ITIH5: variants seen among roughly 807,000 people sequenced by gnomAD.
ITIH5 encodes the protein inter-alpha-trypsin inhibitor heavy chain 5.
A neutral mutation model predicts 77.5 loss-of-function variants in ITIH5; 65 were observed. That is an observed-to-expected ratio of 0.84 (90% confidence interval 0.69 to 1.03). ITIH5 has a LOEUF of 1.03. Among genes scored for constraint, ITIH5 ranks in the 50% least tolerant of loss-of-function variants. The pLI is 0.00. For synonymous variants in ITIH5, 525 were observed against 494.3 expected, an observed-to-expected ratio of 1.06 and a Z score of -0.82; for missense variants, 1,208 against 1,213.1, an observed-to-expected ratio of 1.00 and a Z score of 0.06.
chr10:7,657,270 A>T (rs1834203903), intron 1 of ITIH5, among the ~76,000 whole-genome samples: 1 of 151,464 alleles, frequency 6.6e-6, no homozygotes, highest in Non-Finnish European at 1.5e-5. Flanking sequence ...CATGGTCTGG[A>T]TCTCCTGACC....
intron 7 of ITIH5, among the ~76,000 whole-genome samples, chr10:7,613,062 T>C (rs1833283547): frequency 6.6e-6 from 1 of 152,112 alleles, no homozygotes; most frequent in Non-Finnish European, 1.5e-5. Context: ...CTGGCCAACA[T>C]GGTGAAATCC....
chr10:7,586,139 C>A, intron 7 of ITIH5, 70 bp from the exon 8 acceptor site: 1 of 1,320,248 alleles, frequency 7.6e-7, no homozygotes. Flanking sequence ...GTTCTAGAAA[C>A]CGCCCCCGCC....
intron 2 of ITIH5, among the ~76,000 whole-genome samples, chr10:7,650,157 G>C (rs1406388512): frequency 6.6e-6 from 1 of 152,214 alleles, no homozygotes; most frequent in African/African-American, 2.4e-5. Context: ...AGGATGTCCT[G>C]AGTCACCCAA....
Position 7,575,311 on chromosome 10 carries a change from G to A in ITIH5, c.1978+1142C>T, listed in dbSNP as rs1307339369. Among the ~76,000 whole-genome samples the A allele has an allele frequency of 2.0e-5, 3 of 152,162 alleles. No homozygotes were observed. In the East Asian group the frequency reaches 5.8e-4, roughly 29 times the overall value. On this transcript the variant is annotated intron_variant, in intron 10 of 13. Coordinates refer to ENST00000397146, the MANE Select transcript of ITIH5 (RefSeq NM_030569.7). ...CAGAGAGGTTGAGAAACCTGCCTCA[G>A]GCCTCACAGCTGGTCAGGAGGGTTG...
rs1174748108 is a variant in ITIH5 at position 7,596,380 on chromosome 10, GC to G, written c.940-10312del. Among the ~76,000 whole-genome samples, 9 of 152,312 alleles carry G rather than the reference GC, an allele frequency of 5.9e-5. No homozygotes were observed. The East Asian group carries it at 1.5e-3, about 26-fold the overall frequency. ...GACCCTCAGAGGGGAAGTCAAGGGA[GC>G]CCACGGAAGAGCCAGCTGCGGCCCA... On this transcript the variant is annotated intron_variant, in intron 7 of 13. Coordinates refer to ENST00000397146, the MANE Select transcript of ITIH5 (RefSeq NM_030569.7).
At chr10:7,587,167 CA>C (rs1224630856) in intron 7 of ITIH5, among the ~76,000 whole-genome samples, 2 of 152,126 alleles carry the variant, frequency 1.3e-5, no homozygotes, top group African/African-American at 2.4e-5. Flanking sequence ...GCAGTTTGAG[CA>C]AAGCCAGGAA....
rs938890780 is a variant in ITIH5, at chr10:7,569,586, T to A, written c.2149+82A>T. 6.9e-6 allele frequency: 6 copies of A among 864,074 alleles called. No homozygotes were observed. The African/African-American group carries it at 8.5e-5, about 12-fold the overall frequency. The allele number at this position is 864,074 out of a possible 1,614,324, so 53.5% of individuals were successfully genotyped here. A position where few individuals can be genotyped will look rare whatever the true frequency, so the allele number is the denominator to read the frequency against. On this transcript the variant is annotated intron_variant, in intron 12 of 13. Transcript: ENST00000397146. Reference sequence around the variant, plus strand: ...GTCTGTAAGGTGGCCCTTGGATCACTGGACATCCATCTGAAGAACAGAGGG... The same window carrying A: ...GTCTGTAAGGTGGCCCTTGGATCACAGGACATCCATCTGAAGAACAGAGGG...
intron 7 of ITIH5, among the ~76,000 whole-genome samples, chr10:7,589,089 C>G (rs1439824439): frequency 2.0e-5 from 3 of 152,238 alleles, no homozygotes; most frequent in African/African-American, 7.2e-5. Context: ...TTGATGGGCT[C>G]TGTTTACTTC....
chr10:7,658,220 T>A (rs1259748233), intron 1 of ITIH5, among the ~76,000 whole-genome samples: 1 of 152,202 alleles, frequency 6.6e-6, no homozygotes, highest in Non-Finnish European at 1.5e-5. Context: ...TGACCTCAAG[T>A]CTTAACAAAA....
At chr10:7,567,478 T>TC (rs755436440) in intron 12 of ITIH5, among the ~76,000 whole-genome samples, 13 of 147,072 alleles carry the variant, frequency 8.8e-5, no homozygotes, top group Non-Finnish European at 1.8e-4. Context: ...CCTCATGCTA[T>TC]CCCGCCCCCC....
At chr10:7,650,551 A>G (rs1373368225) in intron 2 of ITIH5, among the ~76,000 whole-genome samples, 2 of 152,146 alleles carry the variant, frequency 1.3e-5, no homozygotes, top group African/African-American at 2.4e-5. Flanking sequence ...CCTGGCCAAC[A>G]TGGTGAAACC....
At chr10:7,573,536 C>A (rs1213134525) in intron 10 of ITIH5, among the ~76,000 whole-genome samples, 1 of 151,352 alleles carries the variant, frequency 6.6e-6, no homozygotes, top group East Asian at 1.9e-4. Context: ...ATTAACCCAA[C>A]AAGGTGGCAC....
At chr10:7,615,499 G>A (rs1477982613) in intron 7 of ITIH5, among the ~76,000 whole-genome samples, 3 of 152,062 alleles carry the variant, frequency 2.0e-5, no homozygotes, top group African/African-American at 7.2e-5. Context: ...CTAATTTTTC[G>A]ACATAAACTA....
At chr10:7,579,668 A>T in intron 9 of ITIH5, 87 bp downstream of exon 9, 1 of 1,337,070 alleles carries the variant, frequency 7.5e-7, no homozygotes, top group South Asian at 1.3e-5. Flanking sequence ...GCTGGGGTGC[A>T]GCAACACACT....
intron 7 of ITIH5, among the ~76,000 whole-genome samples, chr10:7,608,623 G>C (rs1833180260): frequency 6.6e-6 from 1 of 152,160 alleles, no homozygotes; most frequent in Non-Finnish European, 1.5e-5. Context: ...CACATAGTCT[G>C]AAGAAGGCAG....
In ITIH5 at chr10:7,607,121, G is replaced by A. The variant is rs750296182; in HGVS notation, c.939+8861C>T. Among the ~76,000 whole-genome samples, 49 of 152,336 alleles carry A rather than the reference G, an allele frequency of 3.2e-4. 1 individual carries two copies. Among genetic ancestry groups the A allele is most frequent in the Admixed American group, 8.5e-4 (13 of 15,302 alleles). On this transcript the variant is annotated intron_variant, in intron 7 of 13. Transcript: ENST00000397146. ...TCTTGACAAGGGCAGCCCAGTAGAC[G>A]AGAATAAACACAATCAACTGGCATG...
intron 5 of ITIH5, chr10:7,622,466 C>A (rs886404804): frequency 6.6e-6 from 1 of 152,050 alleles, no homozygotes; most frequent in Non-Finnish European, 1.5e-5. Context: ...TACATACTAG[C>A]TCCATCCTCT....
chr10:7,573,297 G>A (rs1296599540), intron 10 of ITIH5, 102 bp from the exon 11 acceptor site: 34 of 920,260 alleles, frequency 3.7e-5, no homozygotes, highest in Non-Finnish European at 5.4e-5. Context: ...CAGCTTTTAG[G>A]TACGTTTGTA....
intron 7 of ITIH5, among the ~76,000 whole-genome samples, chr10:7,596,502 C>A (rs1393088546): frequency 6.6e-6 from 1 of 152,158 alleles, no homozygotes; most frequent in Non-Finnish European, 1.5e-5. Flanking sequence ...TCTTGTGCCA[C>A]AAACCCTAGG....
Sources: gnomAD v4.1 joint callset for allele counts (sites outside exome capture counted in the v4.1 genomes callset) on GRCh38, gnomAD v4.1.1 for gene constraint, MANE v1.5 for transcripts, NCBI Gene and HGNC (gene_info 2026-07-23, HGNC 2026-07-21) for gene names.